RET: variants seen among roughly 807,000 people sequenced by gnomAD.
RET encodes proto-oncogene tyrosine-protein kinase receptor Ret.
In RET, 19 loss-of-function variants were observed where a neutral mutation model predicts 118.3. The ratio of observed to expected loss-of-function variants is 0.16; its 90% CI spans 0.11 to 0.24. RET has a LOEUF of 0.24. Among genes scored for constraint, RET ranks in the 10% least tolerant of loss-of-function variants. The probability of loss-of-function intolerance (pLI) is 1.00; values close to 1 mark genes in which losing one functional copy is unlikely to be tolerated. For missense variants in RET, 1,219 were observed against 1,502.1 expected (o/e 0.81, Z 3.12); for synonymous variants, 597 against 644.1 (o/e 0.93, Z 1.11).
intron 3 of RET, 115 bp downstream of exon 3, chr10:43,102,744 T>C: frequency 7.5e-7 from 1 of 1,332,428 alleles, no homozygotes; most frequent in Non-Finnish European, 1.1e-6. Flanking sequence ...ATCAGTTCAT[T>C]CAATATTCCA....
intron 1 of RET, among the ~76,000 whole-genome samples, chr10:43,093,621 G>A (rs1047712432): frequency 6.6e-6 from 1 of 152,194 alleles, no homozygotes; most frequent in African/African-American, 2.4e-5. Flanking sequence ...GAAACCAGCC[G>A]AGGGGGTGAG....
chr10:43,105,164 A>T lies in RET; in HGVS notation c.838A>T (p.Ser280Cys), dbSNP rs749244375. The T allele has an allele frequency of 6.2e-7, 1 of 1,612,596 alleles. No homozygotes were observed. The highest frequency in any genetic ancestry group is 1.7e-5 in the Admixed American group (1 of 59,996). Residue 280 changes from serine to cysteine, a missense_variant, in exon 4 of 20, where the codon AGC (serine) becomes TGC (cysteine). Ser to Cys is a moderately radical substitution (Grantham distance 112). Around this residue, in one of 5 missense-constraint regions of RET, gnomAD observed 850 missense variants for 969.6 expected, o/e 0.88. Coordinates refer to ENST00000355710, the MANE Select transcript of RET (RefSeq NM_020975.6). ...PTFPAGVDTASAVVEFKRKED... is the reference protein window; with the variant it reads ...PTFPAGVDTACAVVEFKRKED... ...CTTCCCCGCGGGCGTCGACACCGCC[A>T]GCGCCGTGGTGGAGTTCAAGCGGAA...
At chr10:43,126,056 G>A (rs890074564) in intron 18 of RET, among the ~76,000 whole-genome samples, 2 of 152,194 alleles carry the variant, frequency 1.3e-5, no homozygotes, top group African/African-American at 2.4e-5. Context: ...CCCTGACAGC[G>A]CTGTCAGATT....
At chr10:43,093,856 G>A (rs867099979) in intron 1 of RET, among the ~76,000 whole-genome samples, 5 of 152,064 alleles carry the variant, frequency 3.3e-5, no homozygotes, top group African/African-American at 7.2e-5. Context: ...CATGAATGAC[G>A]TCAAAAAATG....
rs1037551899 is a variant in RET, at chr10:43,111,140, C to T, written c.1264-67C>T. Reference sequence around the variant, plus strand: ...TCCAGGACTTAGGCTGTGTGGGAATCTCTACCCTCAGGCCATTACAGGCCG... The same window carrying T: ...TCCAGGACTTAGGCTGTGTGGGAATTTCTACCCTCAGGCCATTACAGGCCG... On this transcript the variant is annotated intron_variant, in intron 6 of 19. Transcript: ENST00000355710. 67 of 1,603,388 alleles carry T rather than the reference C, an allele frequency of 4.2e-5. 1 individual carries two copies. Among genetic ancestry groups the T allele is most frequent in the Middle Eastern group, 1.6e-4 (1 of 6,078 alleles).
chr10:43,122,624 A>T (rs1284294205), intron 16 of RET, among the ~76,000 whole-genome samples: 1 of 151,198 alleles, frequency 6.6e-6, no homozygotes, highest in Non-Finnish European at 1.5e-5. Context: ...TTGTGGGGGG[A>T]GGGGATAGGG....
intron 1 of RET, among the ~76,000 whole-genome samples, chr10:43,078,173 C>G (rs1048379263): frequency 6.6e-5 from 10 of 152,224 alleles, no homozygotes; most frequent in Non-Finnish European, 8.8e-5. Flanking sequence ...CAGAGTGAGC[C>G]GCAAGGCTGT....
intron 1 of RET, among the ~76,000 whole-genome samples, chr10:43,094,544 C>T (rs372987402): frequency 1.2e-4 from 19 of 152,162 alleles, no homozygotes; most frequent in East Asian, 5.8e-4. Context: ...ATTTGTGTTT[C>T]TGTGGCAGGG....
chr10:43,112,649 A>G (rs1837965789), intron 8 of RET, among the ~76,000 whole-genome samples: 1 of 152,158 alleles, frequency 6.6e-6, no homozygotes, highest in African/African-American at 2.4e-5. Context: ...TGTAAGGGCC[A>G]CCTGTGTGAG....
chr10:43,107,681 G>A (rs1837816298), intron 5 of RET, among the ~76,000 whole-genome samples: 1 of 152,028 alleles, frequency 6.6e-6, no homozygotes, highest in African/African-American at 2.4e-5. Flanking sequence ...CCACAGCCTG[G>A]AGAAAACACA....
Position 43,100,682 on chromosome 10 carries a change from G to T in RET, c.297G>T (p.Arg99=). ...ACACCGGCCTCCTCTACCTTAACCGGAGCCTGGACCATAGCTCCTGGGAGA... is the reference window on the plus strand; with the variant it reads ...ACACCGGCCTCCTCTACCTTAACCGTAGCCTGGACCATAGCTCCTGGGAGA... The part of the protein sequence containing the change: ...QEDTGLLYLN[R]SLDHSSWEKL... The change falls in exon 2 of 20, where the codon CGG becomes CGT. Residue 99 remains arginine (R), a synonymous_variant. Transcript: ENST00000355710. 1 of 1,609,648 alleles carries T rather than the reference G, an allele frequency of 6.2e-7. No homozygotes were observed. The highest frequency in any genetic ancestry group is 8.5e-7 in the Non-Finnish European group (1 of 1,178,156).
At chr10:43,105,362 G>C (rs1837746279) in intron 4 of RET, among the ~76,000 whole-genome samples, 169 bp downstream of exon 4, 1 of 152,122 alleles carries the variant, frequency 6.6e-6, no homozygotes, top group Admixed American at 6.5e-5. Flanking sequence ...AGGGGAAGGG[G>C]GAGTCCTGCC....
intron 1 of RET, among the ~76,000 whole-genome samples, chr10:43,085,754 A>ATCCCCTTCCCTGCC (rs1837276732): frequency 8.8e-5 from 8 of 91,104 alleles, no homozygotes; most frequent in Admixed American, 2.5e-4. Flanking sequence ...CCTTCCCTGC[A>ATCCCCTTCCCTGCC]TGGCATCCCC....
intron 3 of RET, among the ~76,000 whole-genome samples, chr10:43,103,064 G>A (rs1262430465): frequency 2.0e-5 from 3 of 152,200 alleles, no homozygotes; most frequent in Non-Finnish European, 4.4e-5. Flanking sequence ...GGCAGGCCTA[G>A]CCCCTTGGAG....
intron 4 of RET, 43 bp downstream of exon 4, chr10:43,105,236 C>G: frequency 6.2e-7 from 1 of 1,611,560 alleles, no homozygotes; most frequent in South Asian, 1.1e-5. Context: ...TGTCTGTCTC[C>G]GGCCACAGTT....
intron 15 of RET, among the ~76,000 whole-genome samples, 177 bp from the exon 16 acceptor site, chr10:43,121,769 G>A (rs1838223158): frequency 6.6e-6 from 1 of 152,172 alleles, no homozygotes; most frequent in South Asian, 2.1e-4. Context: ...TCCACAGGAG[G>A]TTCAGGCTGG....
At chr10:43,113,437 T>G (rs1414731434) in intron 9 of RET, 119 bp from the exon 10 acceptor site, 2 of 1,241,046 alleles carry the variant, frequency 1.6e-6, no homozygotes, top group African/African-American at 3.0e-5. Context: ...CTGGCCTCAC[T>G]GGGCCTATGC....
At chr10:43,127,575 C>T (rs1033148979) in intron 19 of RET, 30 of 697,114 alleles carry the variant, frequency 4.3e-5, no homozygotes, top group South Asian at 6.4e-5. Context: ...CAAGCTGAGA[C>T]GGTTCCTTTT....
In RET at chr10:43,105,013, G is replaced by A; in HGVS notation, c.687G>A (p.Leu229=). Residue 229 remains leucine, a synonymous_variant, in exon 4 of 20, where the codon CTG becomes CTA. Coordinates refer to ENST00000355710, the MANE Select transcript of RET (RefSeq NM_020975.6). Reference sequence around the variant, plus strand: ...TGGAGGTGAGCACGCGCTGGGCCCTGGACCGCGAGCAGCGGGAGAAGTACG... The same window carrying A: ...TGGAGGTGAGCACGCGCTGGGCCCTAGACCGCGAGCAGCGGGAGAAGTACG... ...DSLEVSTRWA[L]DREQREKYEL... 1 of 1,597,666 alleles carries A rather than the reference G, an allele frequency of 6.3e-7. No homozygotes were observed.
Sources: allele counts gnomAD v4.1 joint callset (sites outside exome capture counted in the v4.1 genomes callset), GRCh38; gene constraint gnomAD v4.1.1; regional missense constraint gnomAD v4.1.1; transcripts MANE v1.5; gene names NCBI Gene and HGNC (gene_info 2026-07-23, HGNC 2026-07-21).